Variants in LARGE1 observed in about 807,000 individuals in gnomAD.
The protein encoded by LARGE1 is xylosyl- and glucuronyltransferase LARGE1.
In LARGE1, 43 loss-of-function variants were observed where a neutral mutation model predicts 87.6. The ratio of observed to expected loss-of-function variants is 0.49; its 90% CI spans 0.38 to 0.63. LARGE1 has a LOEUF of 0.63. Among genes scored for constraint, LARGE1 ranks in the 30% least tolerant of loss-of-function variants. The probability of loss-of-function intolerance (pLI) is 0.00; values close to 1 mark genes in which losing one functional copy is unlikely to be tolerated. For synonymous variants in LARGE1, 434 were observed against 394.6 expected, an observed-to-expected ratio of 1.10 and a Z score of -1.18; for missense variants, 802 against 1,000.2, an observed-to-expected ratio of 0.80 and a Z score of 2.67.
At chr22:33,091,791 T>G in the LARGE1 span, among the ~76,000 whole-genome samples, 7 of 152,208 alleles carry the variant, frequency 4.6e-5, no homozygotes, top group Non-Finnish European at 5.9e-5. Flanking sequence ...TCCTGGAGAT[T>G]CATTGTGAGA....
the LARGE1 span, among the ~76,000 whole-genome samples, chr22:33,084,326 G>A: frequency 1.3e-5 from 2 of 151,978 alleles, no homozygotes; most frequent in Admixed American, 1.3e-4. Flanking sequence ...AAGGAACTAG[G>A]TCTTATTGAT....
intron 1 of LARGE1, among the ~76,000 whole-genome samples, chr22:33,868,581 T>C (rs1025234760): frequency 1.3e-5 from 2 of 152,130 alleles, no homozygotes; most frequent in African/African-American, 2.4e-5. Context: ...CTCTTGCCCA[T>C]GGCCCTCCCT....
intron 11 of LARGE1, among the ~76,000 whole-genome samples, chr22:33,183,092 A>G (rs908028577): frequency 6.6e-6 from 1 of 151,916 alleles, no homozygotes; most frequent in African/African-American, 2.4e-5. Context: ...GTATACATAT[A>G]TAAATATATG....
chr22:33,230,087 C>G (rs2145651532), intron 11 of LARGE1, among the ~76,000 whole-genome samples: 1 of 142,978 alleles, frequency 7.0e-6, no homozygotes, highest in Non-Finnish European at 1.5e-5. Context: ...TCTTTGCTCA[C>G]TGCAACCTCC....
intron 6 of LARGE1, among the ~76,000 whole-genome samples, chr22:33,476,702 G>GA (rs2069094795): frequency 7.2e-6 from 1 of 139,184 alleles, no homozygotes; most frequent in African/African-American, 2.8e-5. Flanking sequence ...ACTGCACCCC[G>GA]CCCCCCAGCC....
intron 12 of LARGE1, among the ~76,000 whole-genome samples, chr22:33,303,522 A>T (rs1050990897): frequency 3.3e-5 from 5 of 152,328 alleles, no homozygotes; most frequent in African/African-American, 9.6e-5. Flanking sequence ...AGGCATCATC[A>T]TCACTTAGAT....
intron 7 of LARGE1, among the ~76,000 whole-genome samples, chr22:33,412,061 A>C (rs567514555): frequency 4.6e-5 from 7 of 152,314 alleles, no homozygotes; most frequent in South Asian, 4.1e-4. Context: ...AGGCGGGCAG[A>C]TCACTTGAGG....
At chr22:33,373,482 C>T (rs2064886720) in intron 9 of LARGE1, among the ~76,000 whole-genome samples, 1 of 152,138 alleles carries the variant, frequency 6.6e-6, no homozygotes, top group Non-Finnish European at 1.5e-5. Flanking sequence ...CCTCTGGAAG[C>T]TTTTCAGATT....
At position 33,517,578 on chromosome 22, in the gene LARGE1, T is replaced by C. The variant is rs570707911; in HGVS notation, c.787+47270A>G. ...AGCACCCGCCCGGCTAATTTTGTATTTTTAGTAGAGATGGGGTTTCACCAT... is the reference window on the plus strand; with the variant it reads ...AGCACCCGCCCGGCTAATTTTGTATCTTTAGTAGAGATGGGGTTTCACCAT... On this transcript the variant is annotated intron_variant, in intron 6 of 14. Coordinates refer to ENST00000397394, the MANE Select transcript of LARGE1 (RefSeq NM_133642.5). 1.2e-3 allele frequency among the ~76,000 whole-genome samples: 179 copies of C among 151,362 alleles called. 1 individual carries two copies. Among genetic ancestry groups the C allele is most frequent in the African/African-American group, 4.2e-3 (174 of 41,164 alleles).
intron 3 of LARGE1, among the ~76,000 whole-genome samples, chr22:33,627,575 T>A (rs980390951): frequency 1.3e-5 from 2 of 152,166 alleles, no homozygotes; most frequent in African/African-American, 4.8e-5. Context: ...TACCTTGTTA[T>A]CCCAACCAGC....
At chr22:33,238,123 A>T (rs927891577) in intron 11 of LARGE1, among the ~76,000 whole-genome samples, 2 of 152,242 alleles carry the variant, frequency 1.3e-5, no homozygotes, top group African/African-American at 2.4e-5. Context: ...CAACCAAAAA[A>T]GCTGTTTAGA....
intron 6 of LARGE1, among the ~76,000 whole-genome samples, chr22:33,486,344 C>T (rs1328195923): frequency 1.3e-5 from 2 of 152,228 alleles, no homozygotes; most frequent in East Asian, 1.9e-4. Context: ...AGAATCTGAT[C>T]ACCTATCCCT....
At chr22:33,778,355 C>A (rs11913622) in intron 1 of LARGE1, among the ~76,000 whole-genome samples, 31,751 of 152,132 alleles carry the variant, frequency 0.21, 3,492 homozygotes, top group Middle Eastern at 0.32. Flanking sequence ...CATAACATAA[C>A]ATTAACCACT....
At chr22:33,849,150 A>T (rs2283952) in intron 1 of LARGE1, among the ~76,000 whole-genome samples, 26,109 of 152,150 alleles carry the variant, frequency 0.17, 2,920 homozygotes, top group East Asian at 0.41. Flanking sequence ...ATAGTGTGTC[A>T]TCAGTCTCAT....
At chr22:33,612,650 T>A (rs1164211780) in intron 4 of LARGE1, among the ~76,000 whole-genome samples, 1 of 152,088 alleles carries the variant, frequency 6.6e-6, no homozygotes, top group East Asian at 1.9e-4. Context: ...CACACCTACT[T>A]AATGCCAGAA....
rs1928528916 is a variant in LARGE1 at position 33,273,428 on chromosome 22, A to C, written c.*999T>G. On this transcript the variant is annotated 3_prime_UTR_variant, in exon 15 of 15. Coordinates refer to ENST00000397394, the MANE Select transcript of LARGE1 (RefSeq NM_133642.5). The stretch of plus-strand genomic sequence containing the variant: ...CTTCAGAACTGGGCTTTCATGAATT[A>C]TGAAAGTTCTTCGAAAGGCCTGAGA... 2.5e-6 allele frequency: 1 copy of C among 398,590 alleles called. No homozygotes were observed. The highest frequency in any genetic ancestry group is 4.4e-6 in the Non-Finnish European group (1 of 226,074). The allele number at this position is 398,590 out of a possible 1,614,324, so 24.7% of individuals were successfully genotyped here.
intron 1 of LARGE1, among the ~76,000 whole-genome samples, chr22:33,848,284 C>T (rs895350477): frequency 2.6e-5 from 4 of 152,184 alleles, no homozygotes; most frequent in Non-Finnish European, 2.9e-5. Flanking sequence ...CAACAGTCTT[C>T]CTCACCAACA....
chr22:33,290,687 C>T (rs1932374989), intron 12 of LARGE1, among the ~76,000 whole-genome samples: 1 of 152,194 alleles, frequency 6.6e-6, no homozygotes, highest in South Asian at 2.1e-4. Context: ...TCTTCCCTGA[C>T]TGCTAGCATC....
At chr22:33,487,753 G>A (rs577571274) in intron 6 of LARGE1, among the ~76,000 whole-genome samples, 1 of 152,246 alleles carries the variant, frequency 6.6e-6, no homozygotes, top group Admixed American at 6.5e-5. Context: ...AGCACACACC[G>A]ACATGGGCAA....
Sources: allele counts gnomAD v4.1 joint callset (sites outside exome capture counted in the v4.1 genomes callset), GRCh38; gene constraint gnomAD v4.1.1; transcripts MANE v1.5; gene names NCBI Gene and HGNC (gene_info 2026-07-23, HGNC 2026-07-21).